GPC6: variants seen among roughly 807,000 people sequenced by gnomAD.
GPC6 encodes glypican 6.
GPC6 carries 14 observed loss-of-function variants against 55.2 expected under a neutral mutation model. The ratio of observed to expected loss-of-function variants is 0.25; its 90% confidence interval spans 0.17 to 0.40. The LOEUF is 0.40. GPC6 is among the 10% of genes least tolerant of loss of function. GPC6 has a pLI of 1.00. For synonymous variants in GPC6, 278 were observed against 259.6 expected, an observed-to-expected ratio of 1.07 and a Z score of -0.68; for missense variants, 641 against 708.5, an observed-to-expected ratio of 0.90 and a Z score of 1.08.
intron 1 of GPC6, among the ~76,000 whole-genome samples, chr13:93,494,407 C>T (rs1328812290): frequency 6.6e-6 from 1 of 150,530 alleles, no homozygotes; most frequent in Non-Finnish European, 1.5e-5. Flanking sequence ...TATTTTGAGC[C>T]TATGTGTGTC....
chr13:93,876,655 T>A (rs1050828941), intron 3 of GPC6, among the ~76,000 whole-genome samples: 2 of 152,100 alleles, frequency 1.3e-5, no homozygotes, highest in Non-Finnish European at 2.9e-5. Flanking sequence ...TTAAAACACT[T>A]CTCTCACTTT....
At chr13:93,520,150 T>G (rs1470377276) in intron 1 of GPC6, among the ~76,000 whole-genome samples, 1 of 151,920 alleles carries the variant, frequency 6.6e-6, no homozygotes, top group African/African-American at 2.4e-5. Flanking sequence ...AAGCTTTGAT[T>G]TGCAGCTGTT....
intron 2 of GPC6, among the ~76,000 whole-genome samples, chr13:93,618,570 A>C (rs1162432137): frequency 6.6e-6 from 1 of 152,016 alleles, no homozygotes; most frequent in Non-Finnish European, 1.5e-5. Context: ...GCCTCAGTAA[A>C]CTCAATGTCT....
In GPC6 at chr13:94,048,449, T is replaced by TA. The variant is rs1312635656; in HGVS notation, c.877+20562dup. 4.6e-5 allele frequency among the ~76,000 whole-genome samples: 7 copies of TA among 151,896 alleles called. No individual in the cohort carries two copies. In the South Asian group the frequency reaches 1.0e-3, roughly 23 times the overall value. ...AGCCTGACTTGCAAGTAAAAAAAAT[T>TA]AAAAAAAGAGAGAGAAATAGTTGAG... On this transcript the variant is annotated intron_variant, in intron 4 of 8. Transcript: ENST00000377047.
chr13:94,111,449 A>G (rs1013571688), intron 4 of GPC6, among the ~76,000 whole-genome samples: 25 of 147,700 alleles, frequency 1.7e-4, no homozygotes, highest in Admixed American at 1.0e-3. Context: ...CGTTCAGCAC[A>G]TGTATTCCAG....
intron 3 of GPC6, among the ~76,000 whole-genome samples, chr13:93,890,457 A>G (rs529729357): frequency 1.1e-4 from 17 of 152,166 alleles, no homozygotes; most frequent in African/African-American, 4.1e-4. Flanking sequence ...GACTGGGTTT[A>G]TGGATTCAGT....
chr13:93,488,224 G>T (rs1879806291), intron 1 of GPC6, among the ~76,000 whole-genome samples: 1 of 152,172 alleles, frequency 6.6e-6, no homozygotes, highest in Non-Finnish European at 1.5e-5. Flanking sequence ...GTGGTGTTTG[G>T]TTTTTTGTCC....
intron 1 of GPC6, among the ~76,000 whole-genome samples, chr13:93,493,446 A>T (rs1279684955): frequency 2.9e-5 from 3 of 102,066 alleles, no homozygotes; most frequent in Non-Finnish European, 6.2e-5. Flanking sequence ...GCGGTCTATC[A>T]ATTTTGTTGA....
chr13:93,397,064 A>G (rs1875885343), intron 1 of GPC6, among the ~76,000 whole-genome samples: 1 of 152,212 alleles, frequency 6.6e-6, no homozygotes, highest in African/African-American at 2.4e-5. Context: ...ATTGTAAACT[A>G]TACTTTGATA....
Position 93,553,342 on chromosome 13 carries a change from C to T in GPC6, c.319+7921C>T, listed in dbSNP as rs186996928. 1.9e-3 allele frequency among the ~76,000 whole-genome samples: 295 copies of T among 152,088 alleles called. 1 individual carries two copies. The highest frequency in any genetic ancestry group is 3.7e-3 in the Non-Finnish European group (254 of 67,980). ...TATGAGAAAAATGATTTCAGTGAAC[C>T]TTTATCTGAAAGGATATAACCATGT... On this transcript the variant is annotated intron_variant, in intron 2 of 8. Coordinates refer to ENST00000377047, the MANE Select transcript of GPC6 (RefSeq NM_005708.5).
At chr13:93,281,307 A>T (rs909981063) in intron 1 of GPC6, among the ~76,000 whole-genome samples, 6 of 152,118 alleles carry the variant, frequency 3.9e-5, no homozygotes, top group African/African-American at 1.4e-4. Flanking sequence ...CAAGATGAAG[A>T]CACTGGCAGA....
At chr13:93,786,004 A>C (rs1371267816) in intron 2 of GPC6, among the ~76,000 whole-genome samples, 1 of 152,198 alleles carries the variant, frequency 6.6e-6, no homozygotes, top group Non-Finnish European at 1.5e-5. Context: ...AAGGAATGGT[A>C]ATGAGAGTAA....
At chr13:93,622,754 G>A (rs1424082586) in intron 2 of GPC6, among the ~76,000 whole-genome samples, 2 of 152,038 alleles carry the variant, frequency 1.3e-5, no homozygotes, top group African/African-American at 4.8e-5. Flanking sequence ...TTTATTTGAG[G>A]TGAGAACATT....
chr13:93,544,059 G>A (rs2139431764), intron 1 of GPC6, among the ~76,000 whole-genome samples: 1 of 150,616 alleles, frequency 6.6e-6, no homozygotes, highest in Middle Eastern at 3.5e-3. Flanking sequence ...CGGATGATTA[G>A]TCACGGTGAG....
chr13:94,273,578 C>T (rs1014005933), intron 4 of GPC6, among the ~76,000 whole-genome samples: 9 of 152,114 alleles, frequency 5.9e-5, no homozygotes, highest in African/African-American at 1.2e-4. Context: ...TGGTGAAGCA[C>T]GTGGAATTTA....
At chr13:94,099,065 C>G (rs58931671) in intron 4 of GPC6, among the ~76,000 whole-genome samples, 1,870 of 152,144 alleles carry the variant, frequency 0.012, 41 homozygotes, top group South Asian at 0.065. Flanking sequence ...GAACTAAAGC[C>G]ATAACTAATT....
chr13:93,709,606 G>T (rs1882982881), intron 2 of GPC6, among the ~76,000 whole-genome samples: 1 of 151,636 alleles, frequency 6.6e-6, no homozygotes, highest in South Asian at 2.1e-4. Flanking sequence ...TACTTTGTTT[G>T]TGCAGCTGAG....
chr13:93,374,116 G>A (rs1874787704), intron 1 of GPC6, among the ~76,000 whole-genome samples: 1 of 152,136 alleles, frequency 6.6e-6, no homozygotes. Context: ...TTCTGATTCA[G>A]TGGGTCCAAG....
At chr13:94,320,078 T>A (rs759854835) in intron 6 of GPC6, among the ~76,000 whole-genome samples, 1 of 152,232 alleles carries the variant, frequency 6.6e-6, no homozygotes, top group Non-Finnish European at 1.5e-5. Flanking sequence ...TTCAGAATAA[T>A]GTATTTAGCT....
Sources: allele counts gnomAD v4.1 joint callset (sites outside exome capture counted in the v4.1 genomes callset), GRCh38; gene constraint gnomAD v4.1.1; transcripts MANE v1.5; gene names NCBI Gene and HGNC (gene_info 2026-07-23, HGNC 2026-07-21).